TSEN2: variants seen among roughly 807,000 people sequenced by gnomAD.
TSEN2 encodes tRNA-splicing endonuclease subunit Sen2.
In TSEN2, 54 loss-of-function variants were observed where a neutral mutation model predicts 59.2. The ratio of observed to expected loss-of-function variants is 0.91; its 90% CI spans 0.73 to 1.14. The LOEUF is 1.14. Ranked by LOEUF, TSEN2 falls within the 50% of genes most tolerant of loss-of-function variation. The pLI is 0.00. For synonymous variants in TSEN2, 195 were observed against 198.2 expected, an observed-to-expected ratio of 0.98 and a Z score of 0.14; for missense variants, 636 against 576.2, an observed-to-expected ratio of 1.10 and a Z score of -1.06.
intron 8 of TSEN2, among the ~76,000 whole-genome samples, chr3:12,528,564 T>A (rs970657437): frequency 3.9e-5 from 6 of 151,942 alleles, no homozygotes; most frequent in Non-Finnish European, 7.4e-5. Flanking sequence ...TAAAAAAAAA[T>A]TTTAAATTAG....
At position 12,505,188 on chromosome 3, in the gene TSEN2, A is replaced by G; in HGVS notation, c.866A>G (p.Asn289Ser). The G allele has an allele frequency of 6.2e-7, 1 of 1,612,170 alleles. No individual in the cohort carries two copies. ...AGAAACAGGTTAATATGCAGAAGAA[A>G]TCCATATAGGATCTTTGAGTATTTG... ...VQRNRLICRR[N>S]PYRIFEYLQL... is the part of the protein sequence containing the mutation. Residue 289 changes from asparagine to serine, a missense_variant, in exon 6 of 12, where the codon AAT (asparagine) becomes AGT (serine). Asn to Ser is a conservative substitution (Grantham distance 46, BLOSUM62 1). Transcript: ENST00000284995.
At chr3:12,520,102 C>A (rs180816014) in intron 8 of TSEN2, among the ~76,000 whole-genome samples, 2 of 151,994 alleles carry the variant, frequency 1.3e-5, no homozygotes, top group Non-Finnish European at 2.9e-5. Flanking sequence ...GGGTTCACGC[C>A]GTTCTCCTGC....
At chr3:12,500,031 C>T (rs1341031204) in intron 4 of TSEN2, among the ~76,000 whole-genome samples, 4 of 152,170 alleles carry the variant, frequency 2.6e-5, no homozygotes, top group African/African-American at 7.2e-5. Context: ...GAAGCCTTGG[C>T]GTGTTCTGAT....
At chr3:12,521,342 A>G (rs909030837) in intron 8 of TSEN2, among the ~76,000 whole-genome samples, 3 of 152,376 alleles carry the variant, frequency 2.0e-5, no homozygotes, top group African/African-American at 4.8e-5. Flanking sequence ...AAATAACTAC[A>G]TGACGTAGTT....
chr3:12,526,247 A>G (rs1262219318), intron 8 of TSEN2, among the ~76,000 whole-genome samples: 1 of 152,184 alleles, frequency 6.6e-6, no homozygotes, highest in Non-Finnish European at 1.5e-5. Flanking sequence ...AGCACACAGT[A>G]CTGTCCTAGA....
At chr3:12,496,427 A>T in intron 3 of TSEN2, 91 bp from the exon 4 acceptor site, 1 of 1,379,938 alleles carries the variant, frequency 7.2e-7, no homozygotes, top group Non-Finnish European at 1.0e-6. Context: ...TGATTTTGTG[A>T]ATCTTAAAAT....
chr3:12,517,256 G>A (rs550478283), intron 7 of TSEN2, among the ~76,000 whole-genome samples: 56 of 149,496 alleles, frequency 3.7e-4, no homozygotes, highest in African/African-American at 1.3e-3. Flanking sequence ...TAATCAAGAG[G>A]CTGAGGCAGG....
At chr3:12,496,110 T>G (rs2053720826) in intron 3 of TSEN2, among the ~76,000 whole-genome samples, 1 of 152,200 alleles carries the variant, frequency 6.6e-6, no homozygotes, top group African/African-American at 2.4e-5. Context: ...TCCAGCACTT[T>G]TGATATACAC....
At chr3:12,526,353 T>C (rs1197627825) in intron 8 of TSEN2, among the ~76,000 whole-genome samples, 2 of 152,078 alleles carry the variant, frequency 1.3e-5, no homozygotes, top group Non-Finnish European at 2.9e-5. Context: ...GGTTTTCTCT[T>C]TTATATCGTA....
intron 6 of TSEN2, chr3:12,514,764 C>G (rs2055876256): frequency 6.6e-6 from 1 of 152,092 alleles, no homozygotes; most frequent in African/African-American, 2.4e-5. Context: ...TAGTATGACC[C>G]CTGCCCACGG....
intron 7 of TSEN2, among the ~76,000 whole-genome samples, chr3:12,518,739 T>C (rs1257232736): frequency 6.6e-6 from 1 of 150,496 alleles, no homozygotes; most frequent in Non-Finnish European, 1.5e-5. Context: ...AGGAAGTCAG[T>C]GTATATTTTA....
chr3:12,496,579 C>T (rs1172265583), intron 4 of TSEN2, 25 bp downstream of exon 4: 10 of 1,613,484 alleles, frequency 6.2e-6, no homozygotes, highest in Non-Finnish European at 8.5e-6. Context: ...ACTTTGGCTT[C>T]TGTCAAAATG....
downstream of TSEN2, among the ~76,000 whole-genome samples, chr3:12,535,887 A>T (rs2057663681): frequency 6.6e-6 from 1 of 151,580 alleles, no homozygotes; most frequent in African/African-American, 2.4e-5. Flanking sequence ...CTGGGAAAAC[A>T]GGGGCGACGT....
rs367642269 is a variant in TSEN2, at chr3:12,501,828, T to G, written c.309-1434T>G. On this transcript the variant is annotated intron_variant, in intron 4 of 11. Transcript: ENST00000284995. ...ACTGAAGGTCGAGGCAAAAAGCACT[T>G]GAGTTTCACAATGTCTTTGACCTTC... Among the ~76,000 whole-genome samples, 16 of 152,348 alleles carry G rather than the reference T, an allele frequency of 1.1e-4. 1 individual carries two copies. The highest frequency in any genetic ancestry group is 7.8e-4 in the Admixed American group (12 of 15,300).
intron 6 of TSEN2, among the ~76,000 whole-genome samples, chr3:12,512,957 C>G (rs1040998709): frequency 1.3e-5 from 2 of 152,214 alleles, no homozygotes; most frequent in Non-Finnish European, 2.9e-5. Flanking sequence ...ATCCTTCCAT[C>G]TTATTAGTAC....
intron 5 of TSEN2, 36 bp from the exon 6 acceptor site, chr3:12,505,118 A>C: frequency 1.6e-6 from 2 of 1,273,476 alleles, no homozygotes; most frequent in Non-Finnish European, 2.3e-6. Flanking sequence ...TAGTGCTTCC[A>C]TTTGTTCTGT....
chr3:12,495,126 C>CAAAAAAAAAAA (rs1160986136), intron 3 of TSEN2, among the ~76,000 whole-genome samples: 2 of 68,708 alleles, frequency 2.9e-5, no homozygotes, highest in African/African-American at 6.3e-5. Flanking sequence ...ACTCCGTCTC[C>CAAAAAAAAAAA]AAAAAAAAAA....
chr3:12,500,433 A>G (rs917493308), intron 4 of TSEN2, among the ~76,000 whole-genome samples: 5 of 151,826 alleles, frequency 3.3e-5, no homozygotes, highest in African/African-American at 1.2e-4. Context: ...TGGTTCTGGT[A>G]TGTGACAGAA....
rs569549711 is a variant in TSEN2 at position 12,491,335 on chromosome 3, T to C, written c.190-801T>C. Among the ~76,000 whole-genome samples, 5 of 152,328 alleles carry C rather than the reference T, an allele frequency of 3.3e-5. No homozygotes were observed. The South Asian group carries it at 1.0e-3, about 32-fold the overall frequency. ...ATCTAAATGGAGAAAGGGGTGTTTG[T>C]TTTATTCTTTCAATTTTCTGTGTGT... is the stretch of plus-strand genomic sequence containing the variant. On this transcript the variant is annotated intron_variant, in intron 2 of 11. Coordinates refer to ENST00000284995, the MANE Select transcript of TSEN2 (RefSeq NM_025265.4).
Sources: gnomAD v4.1 joint callset for allele counts (sites outside exome capture counted in the v4.1 genomes callset) on GRCh38, gnomAD v4.1.1 for gene constraint, MANE v1.5 for transcripts, NCBI Gene and HGNC (gene_info 2026-07-23, HGNC 2026-07-21) for gene names.